The following USO1 variants were observed in gnomAD, a reference collection of about 807,000 sequenced individuals.
USO1 encodes general vesicular transport factor p115.
In USO1, 57 loss-of-function variants were observed where a neutral mutation model predicts 124.5. The observed-to-expected ratio is 0.46, with a 90% CI of 0.37 to 0.57. The LOEUF (loss-of-function observed/expected upper bound fraction) is 0.57, where lower values mean the gene tolerates loss of function less well. Ranked by LOEUF, USO1 falls within the 20% of genes least tolerant of loss-of-function variation. The probability of loss-of-function intolerance (pLI) is 0.00; values close to 1 mark genes in which losing one functional copy is unlikely to be tolerated. For missense variants in USO1, 900 were observed against 1,040.6 expected (o/e 0.86, Z 1.86); for synonymous variants, 369 against 362.8 (o/e 1.02, Z -0.19).
intron 9 of USO1, among the ~76,000 whole-genome samples, chr4:75,783,371 C>T (rs1722276102): frequency 6.6e-6 from 1 of 152,138 alleles, no homozygotes; most frequent in Non-Finnish European, 1.5e-5. Context: ...GTTAAATTGA[C>T]AGACCACCTG....
intron 3 of USO1, among the ~76,000 whole-genome samples, chr4:75,755,171 A>G (rs1189866527): frequency 6.6e-6 from 1 of 152,190 alleles, no homozygotes; most frequent in Non-Finnish European, 1.5e-5. Context: ...TTATAACTCA[A>G]TCTCCAGAGT....
At chr4:75,791,970 G>A (rs11097117) in intron 12 of USO1, among the ~76,000 whole-genome samples, 21,275 of 150,834 alleles carry the variant, frequency 0.14, 2,584 homozygotes, top group African/African-American at 0.33. Flanking sequence ...GTTTAATGCC[G>A]AAAATACTGT....
chr4:75,738,195 G>T (rs1008176014), intron 1 of USO1, among the ~76,000 whole-genome samples: 3 of 151,662 alleles, frequency 2.0e-5, no homozygotes, highest in African/African-American at 4.8e-5. Context: ...AGTAGGTCAT[G>T]CCTGTAATCC....
At chr4:75,811,682 T>C (rs1313448559) in intron 22 of USO1, among the ~76,000 whole-genome samples, 1 of 152,244 alleles carries the variant, frequency 6.6e-6, no homozygotes, top group Non-Finnish European at 1.5e-5. Context: ...AATTGTGCTT[T>C]TTGGATTGTG....
At chr4:75,777,235 G>T (rs536213275) in intron 8 of USO1, among the ~76,000 whole-genome samples, 7 of 152,050 alleles carry the variant, frequency 4.6e-5, no homozygotes, top group Non-Finnish European at 1.0e-4. Context: ...GTTTTATATA[G>T]TATTTAATTA....
chr4:75,727,623 A>G (rs1720502152), intron 1 of USO1, among the ~76,000 whole-genome samples: 1 of 152,192 alleles, frequency 6.6e-6, no homozygotes, highest in Non-Finnish European at 1.5e-5. Flanking sequence ...AGATGTTTTA[A>G]TTGATGATTT....
chr4:75,757,568 A>T lies in USO1; in HGVS notation c.290A>T (p.Glu97Val). 1 of 1,484,338 alleles carries T rather than the reference A, an allele frequency of 6.7e-7. No individual in the cohort carries two copies. Among genetic ancestry groups the T allele is most frequent in the South Asian group, 1.4e-5 (1 of 72,394 alleles). The allele number at this position is 1,484,338 out of a possible 1,614,324, so 91.9% of individuals were successfully genotyped here. A position where few individuals can be genotyped will look rare whatever the true frequency, so the allele number is the denominator to read the frequency against. Residue 97 changes from glutamate (E) to valine (V), a missense_variant, in exon 4 of 24, where the codon GAA becomes GTA. Physicochemically the swap from Glu to Val is moderately radical, Grantham distance 121 (BLOSUM62 -2). Coordinates refer to ENST00000514213, the MANE Select transcript of USO1 (RefSeq NM_003715.4). ...YNIISNEEEE[E>V]VEENSTRQSE... is the part of the protein sequence containing the mutation. ...ATAATATCTAATGAAGAAGAAGAAG[A>T]AGTAGGTAAGTTTCCAGTTATTTTT... is the stretch of plus-strand genomic sequence containing the variant.
chr4:75,790,536 G>A, intron 11 of USO1, 107 bp from the exon 12 acceptor site: 1 of 1,445,444 alleles, frequency 6.9e-7, no homozygotes, highest in Non-Finnish European at 9.1e-7. Flanking sequence ...TACTTAACTT[G>A]CTGGTGTTCT....
chr4:75,795,949 G>A (rs1245494391), intron 13 of USO1, among the ~76,000 whole-genome samples: 1 of 143,980 alleles, frequency 6.9e-6, no homozygotes, highest in Non-Finnish European at 1.5e-5. Flanking sequence ...GTTTTGTTTT[G>A]TGTGAGTATT....
Position 75,812,207 on chromosome 4 carries a change from G to T in USO1, c.2631G>T (p.Gln877His). Reference sequence around the variant, plus strand: ...AGGAAAGAACTGCCATTAAAGAGCAGCTGGATTCATCTAATAGTACCATTG... The same window carrying T: ...AGGAAAGAACTGCCATTAAAGAGCATCTGGATTCATCTAATAGTACCATTG... ...LSEERTAIKE[Q>H]LDSSNSTIAI... The change falls in exon 23 of 24, where the codon CAG (glutamine) becomes CAT (histidine). Residue 877 changes from glutamine to histidine, a missense_variant. Physicochemically the swap from Gln to His is conservative, Grantham distance 24 (BLOSUM62 0). Around this residue, in one of 2 missense-constraint regions of USO1, gnomAD observed 362 missense variants for 359.0 expected, o/e 1.01. Transcript: ENST00000514213. The T allele has an allele frequency of 6.2e-7, 1 of 1,609,896 alleles. No individual in the cohort carries two copies. Among genetic ancestry groups the T allele is most frequent in the Admixed American group, 1.7e-5 (1 of 59,512 alleles).
At chr4:75,768,817 ATGTTTACCACTCTAATG>A (rs1269280880) in intron 4 of USO1, among the ~76,000 whole-genome samples, 3 of 152,222 alleles carry the variant, frequency 2.0e-5, no homozygotes. Context: ...TATCATTTAT[ATGTTTACCACTCTAATG>A]TGTTTATCCA....
chr4:75,745,922 G>A (rs6835819), intron 1 of USO1, among the ~76,000 whole-genome samples: 137,355 of 152,144 alleles, frequency 0.9, 62,148 homozygotes, highest in African/African-American at 0.97. Context: ...AAAAAAAAAC[G>A]AAAAAAACAG....
intron 1 of USO1, among the ~76,000 whole-genome samples, chr4:75,732,552 A>G (rs768360342): frequency 2.6e-5 from 4 of 152,180 alleles, no homozygotes; most frequent in Non-Finnish European, 4.4e-5. Flanking sequence ...AATTGAAATG[A>G]CTATTAGCAT....
chr4:75,803,637 G>A (rs191461142), intron 17 of USO1, among the ~76,000 whole-genome samples: 7 of 140,492 alleles, frequency 5.0e-5, no homozygotes, highest in Non-Finnish European at 9.2e-5. Context: ...CGATAAGAGC[G>A]AAACTCCGTC....
intron 1 of USO1, among the ~76,000 whole-genome samples, chr4:75,736,397 C>G (rs905932146): frequency 1.4e-5 from 2 of 142,114 alleles, no homozygotes; most frequent in African/African-American, 5.2e-5. Context: ...GTTCTCAGCT[C>G]ACCTCCGCCT....
chr4:75,787,630 A>G (rs1025015930), intron 10 of USO1, among the ~76,000 whole-genome samples: 2 of 152,202 alleles, frequency 1.3e-5, no homozygotes, highest in African/African-American at 2.4e-5. Context: ...GAAGAAAAAA[A>G]GTTTGTTTAT....
chr4:75,793,544 T>C, intron 12 of USO1, 146 bp from the exon 13 acceptor site: 2 of 1,080,992 alleles, frequency 1.9e-6, no homozygotes, highest in Non-Finnish European at 2.6e-6. Flanking sequence ...TTTGAAAGTA[T>C]ATTTAATACT....
chr4:75,802,736 CTTTTTTTT>C (rs997798305), intron 17 of USO1, among the ~76,000 whole-genome samples: 9 of 63,738 alleles, frequency 1.4e-4, no homozygotes, highest in African/African-American at 4.6e-4. Flanking sequence ...TTTTTCTTTT[CTTTTTTTT>C]TTTTTTTTTT....
At chr4:75,802,846 G>C (rs1722890416) in intron 17 of USO1, among the ~76,000 whole-genome samples, 1 of 146,614 alleles carries the variant, frequency 6.8e-6, no homozygotes, top group Non-Finnish European at 1.5e-5. Context: ...ACTTTGGGAG[G>C]CCAAGGTGGG....
Sources: gnomAD v4.1 joint callset for allele counts (sites outside exome capture counted in the v4.1 genomes callset) on GRCh38, gnomAD v4.1.1 for gene constraint, gnomAD v4.1.1 regional missense constraint, MANE v1.5 for transcripts, NCBI Gene and HGNC (gene_info 2026-07-23, HGNC 2026-07-21) for gene names.